The following NAALADL2 variants were observed in gnomAD, a reference collection of about 807,000 sequenced individuals.
The protein encoded by NAALADL2 is inactive N-acetylated-alpha-linked acidic dipeptidase-like protein 2.
Under a neutral mutation model 87.2 loss-of-function variants are expected in NAALADL2, and 76 were observed. The ratio of observed to expected loss-of-function variants is 0.87; its 90% CI spans 0.72 to 1.05. The LOEUF (loss-of-function observed/expected upper bound fraction) is 1.05, where lower values mean the gene tolerates loss of function less well. NAALADL2 is among the 50% of genes least tolerant of loss of function. The pLI is 0.00. For missense variants in NAALADL2, 1,089 were observed against 945.8 expected (o/e 1.15, Z -1.99); for synonymous variants, 354 against 331.0 (o/e 1.07, Z -0.75).
At chr3:175,664,508 A>G (rs1263684384) in intron 11 of NAALADL2, among the ~76,000 whole-genome samples, 15 of 152,114 alleles carry the variant, frequency 9.9e-5, no homozygotes, top group Non-Finnish European at 2.1e-4. Context: ...AATCTTCAGT[A>G]TCTATAGTGC....
At chr3:175,721,096 G>C (rs913743555) in intron 11 of NAALADL2, among the ~76,000 whole-genome samples, 3 of 152,020 alleles carry the variant, frequency 2.0e-5, no homozygotes, top group African/African-American at 7.2e-5. Flanking sequence ...AAAAAGAAGG[G>C]CTTTAATGAG....
chr3:175,157,892 A>G (rs1012142704), intron 2 of NAALADL2, among the ~76,000 whole-genome samples: 2 of 152,116 alleles, frequency 1.3e-5, no homozygotes, highest in Non-Finnish European at 2.9e-5. Context: ...CTGGTCATGA[A>G]TGGACTATTC....
chr3:174,983,665 G>A (rs557804798), intron 1 of NAALADL2, among the ~76,000 whole-genome samples: 5 of 152,138 alleles, frequency 3.3e-5, no homozygotes, highest in Middle Eastern at 3.4e-3. Context: ...GGCACTAATC[G>A]CACTCAAGGT....
chr3:174,466,721 C>T (rs940756312), intron 1 of NAALADL2, among the ~76,000 whole-genome samples: 2 of 152,124 alleles, frequency 1.3e-5, no homozygotes, highest in Admixed American at 6.6e-5. Context: ...GCTCAAGGCC[C>T]GGGTGACTCC....
chr3:175,438,237 G>C (rs1330612642), intron 5 of NAALADL2, among the ~76,000 whole-genome samples: 2 of 152,038 alleles, frequency 1.3e-5, no homozygotes, highest in South Asian at 4.1e-4. Flanking sequence ...TGCTGACGTT[G>C]ACTAGGCTTG....
At chr3:175,237,802 A>G (rs1207776400) in intron 3 of NAALADL2, among the ~76,000 whole-genome samples, 1 of 152,120 alleles carries the variant, frequency 6.6e-6, no homozygotes, top group African/African-American at 2.4e-5. Flanking sequence ...ATGTTGTATG[A>G]CAATTTCTAT....
intron 1 of NAALADL2, among the ~76,000 whole-genome samples, chr3:174,882,014 A>G (rs761022323): frequency 5.9e-5 from 9 of 152,172 alleles, no homozygotes; most frequent in Non-Finnish European, 1.3e-4. Flanking sequence ...TTTTAGGCAT[A>G]AGAACAAGAT....
chr3:174,882,815 A>ATATACACACG (rs1560319837), intron 1 of NAALADL2, among the ~76,000 whole-genome samples: 14 of 135,284 alleles, frequency 1.0e-4, no homozygotes, highest in African/African-American at 4.9e-4. Context: ...ATATGTGCAT[A>ATATACACACG]TGTGTATATA....
chr3:174,535,434 G>A (rs1327691547), intron 1 of NAALADL2, among the ~76,000 whole-genome samples: 1 of 152,090 alleles, frequency 6.6e-6, no homozygotes, highest in Non-Finnish European at 1.5e-5. Context: ...AACAGACAGG[G>A]TTCCCTCATT....
chr3:175,228,509 C>T (rs1398953761), intron 2 of NAALADL2, among the ~76,000 whole-genome samples: 2 of 148,298 alleles, frequency 1.3e-5, no homozygotes, highest in Admixed American at 6.7e-5. Context: ...GAGAAATTCC[C>T]AAGGAAAAAA....
rs568365676 is a variant in NAALADL2, at chr3:175,138,573, C to G, written c.545+41282C>G. On this transcript the variant is annotated intron_variant, in intron 2 of 13. Transcript: ENST00000454872. ...TGCCACCAAATGAGTTTACTGCAAA[C>G]TTACGAAAAATGGCTTTGCTTTACA... Among the ~76,000 whole-genome samples the G allele has an allele frequency of 5.3e-5, 8 of 151,344 alleles. No homozygotes were observed. The South Asian group carries it at 6.3e-4, about 12-fold the overall frequency.
At chr3:175,133,041 C>T (rs1175418293) in intron 2 of NAALADL2, among the ~76,000 whole-genome samples, 1 of 149,822 alleles carries the variant, frequency 6.7e-6, no homozygotes, top group Non-Finnish European at 1.5e-5. Flanking sequence ...CCCCACATCC[C>T]AGACGGGGCG....
At chr3:175,546,162 T>C (rs954152867) in intron 9 of NAALADL2, among the ~76,000 whole-genome samples, 1 of 152,136 alleles carries the variant, frequency 6.6e-6, no homozygotes, top group Non-Finnish European at 1.5e-5. Context: ...ATTGTCTTTT[T>C]TGATCTTTGT....
chr3:175,551,698 G>C (rs1582367213), intron 9 of NAALADL2, among the ~76,000 whole-genome samples: 7 of 152,228 alleles, frequency 4.6e-5, no homozygotes, highest in Middle Eastern at 6.8e-3. Flanking sequence ...AGGAGATCGA[G>C]ACCATCCTGG....
intron 1 of NAALADL2, among the ~76,000 whole-genome samples, chr3:174,893,628 T>C (rs1313384171): frequency 6.6e-6 from 1 of 152,200 alleles, no homozygotes. Flanking sequence ...CAAATAGTGT[T>C]AGATTGTTAT....
At chr3:174,617,806 A>T (rs1373531377) in intron 2 of NAALADL2, among the ~76,000 whole-genome samples, 1 of 151,536 alleles carries the variant, frequency 6.6e-6, no homozygotes, top group Non-Finnish European at 1.5e-5. Context: ...GAATGGACTT[A>T]TTTTTTTCCT....
rs1243686348 is a variant in NAALADL2, at chr3:174,595,223, G to C, written c.-115+44586G>C. Among the ~76,000 whole-genome samples the C allele has an allele frequency of 2.0e-5, 3 of 152,022 alleles. No homozygotes were observed. The South Asian group carries it at 6.2e-4, about 32-fold the overall frequency. ...TTCCAGCCACACCTCACATCCATCA[G>C]TTTTCTCTTTCTCCTCTCCCTCTGC... is the stretch of plus-strand genomic sequence containing the variant. On this transcript the variant is annotated intron_variant, in intron 2 of 3. Transcript: ENST00000434257.
chr3:174,776,138 A>G (rs895249227), intron 3 of NAALADL2, among the ~76,000 whole-genome samples: 5 of 152,170 alleles, frequency 3.3e-5, no homozygotes, highest in African/African-American at 1.2e-4. Flanking sequence ...TGACAAGCCT[A>G]GCCAAGCAAG....
chr3:175,354,899 CACACATAT>C (rs1304756705), intron 5 of NAALADL2, among the ~76,000 whole-genome samples: 1 of 150,162 alleles, frequency 6.7e-6, no homozygotes, highest in Non-Finnish European at 1.5e-5. Context: ...CACACACACA[CACACATAT>C]ACACACATAT....
Sources: gnomAD v4.1 joint callset for allele counts (sites outside exome capture counted in the v4.1 genomes callset) on GRCh38, gnomAD v4.1.1 for gene constraint, MANE v1.5 for transcripts, NCBI Gene and HGNC (gene_info 2026-07-23, HGNC 2026-07-21) for gene names.